The following INPP5A variants were observed in gnomAD, a reference collection of about 807,000 sequenced individuals.
The protein encoded by INPP5A is 43 kDa inositol polyphosphate 5-phophatase.
INPP5A carries 14 observed loss-of-function variants against 65.2 expected under a neutral mutation model. The observed-to-expected ratio is 0.21, with a 90% CI of 0.14 to 0.34. The LOEUF is 0.34. Among genes scored for constraint, INPP5A ranks in the 10% least tolerant of loss-of-function variants. INPP5A has a pLI of 1.00. For missense variants in INPP5A, 431 were observed against 545.6 expected, an observed-to-expected ratio of 0.79 and a Z score of 2.09; for synonymous variants, 207 against 208.3, an observed-to-expected ratio of 0.99 and a Z score of 0.05.
intron 12 of INPP5A, among the ~76,000 whole-genome samples, chr10:132,773,016 C>T (rs113239290): frequency 0.012 from 1,769 of 152,144 alleles, 39 homozygotes; most frequent in African/African-American, 0.039. Flanking sequence ...GTGGAGAGGA[C>T]GCCCTGGGAC....
Position 132,627,757 on chromosome 10 carries a change from CCGTGAAAAGCTTCAGA to C in INPP5A, c.118-18109_118-18094del, listed in dbSNP as rs915846908. 5.3e-5 allele frequency among the ~76,000 whole-genome samples: 8 copies of C among 152,100 alleles called. No homozygotes were observed. Among genetic ancestry groups the C allele is most frequent in the African/African-American group, 1.4e-4 (6 of 41,404 alleles). Reference sequence around the variant, plus strand: ...TAGATGCCACAGGGCCTCCTCTTCCCCGTGAAAAGCTTCAGACTTTCTTCATCCTCAGGGTAACGGC... The same window carrying C: ...TAGATGCCACAGGGCCTCCTCTTCCCCTTTCTTCATCCTCAGGGTAACGGC... On this transcript the variant is annotated intron_variant, in intron 2 of 15. Transcript: ENST00000368594. This position sits in a 1 kb window ranked among gnomAD's most constrained non-coding sequence, Gnocchi z 6.6.
intron 11 of INPP5A, among the ~76,000 whole-genome samples, chr10:132,759,423 G>A (rs995472223): frequency 1.3e-5 from 2 of 152,230 alleles, no homozygotes; most frequent in Non-Finnish European, 1.5e-5. Context: ...AACTTGCAAA[G>A]GGTGCACAGG....
chr10:132,716,042 C>A (rs1393913718), intron 8 of INPP5A, among the ~76,000 whole-genome samples: 2 of 152,254 alleles, frequency 1.3e-5, no homozygotes, highest in Non-Finnish European at 2.9e-5. Context: ...GCTCCTTTCG[C>A]CTGTGCCTCA....
At chr10:132,592,905 C>T (rs1457980495) in intron 1 of INPP5A, among the ~76,000 whole-genome samples, 1 of 151,752 alleles carries the variant, frequency 6.6e-6, no homozygotes, top group South Asian at 2.1e-4. Flanking sequence ...TCAGGTCTCA[C>T]GCGGCTGCAG....
intron 4 of INPP5A, among the ~76,000 whole-genome samples, chr10:132,653,288 C>T (rs983440152): frequency 1.3e-5 from 2 of 152,116 alleles, no homozygotes; most frequent in African/African-American, 4.8e-5. Flanking sequence ...GCTGCCTCCA[C>T]ACCTGGCTAC....
chr10:132,620,425 G>A (rs1406131958), intron 2 of INPP5A, among the ~76,000 whole-genome samples: 2 of 152,170 alleles, frequency 1.3e-5, no homozygotes, highest in Non-Finnish European at 2.9e-5. Context: ...CCACATCTGA[G>A]TGTAGGCTGT....
chr10:132,604,593 C>T, intron 1 of INPP5A, among the ~76,000 whole-genome samples: 1 of 152,326 alleles, frequency 6.6e-6, no homozygotes, highest in African/African-American at 2.4e-5. Context: ...GTTTTCTTGT[C>T]ATATCAATTC....
At position 132,555,637 on chromosome 10, in the gene INPP5A, G is replaced by T. The variant is rs2071116555; in HGVS notation, c.75+17466G>T. Among the ~76,000 whole-genome samples, 4 of 152,196 alleles carry T rather than the reference G, an allele frequency of 2.6e-5. No individual in the cohort carries two copies. The South Asian group carries it at 8.3e-4, about 31-fold the overall frequency. ...CACTTGGGGCTTCTATCCTATCAGG[G>T]AGAGAGTTCAAGTGTATCCTAGCGT... On this transcript the variant is annotated intron_variant, in intron 1 of 15. Coordinates refer to ENST00000368594, the MANE Select transcript of INPP5A (RefSeq NM_005539.5). The surrounding 1 kb of genome is among the most constrained non-coding windows in gnomAD (Gnocchi z 4.4).
chr10:132,687,188 G>A (rs143812462), intron 4 of INPP5A, among the ~76,000 whole-genome samples: 68 of 152,286 alleles, frequency 4.5e-4, no homozygotes, highest in African/African-American at 1.5e-3. Flanking sequence ...CGAGTGATCC[G>A]CTGCCTCGCC....
At chr10:132,560,502 A>G (rs1442920835) in intron 1 of INPP5A, among the ~76,000 whole-genome samples, 1 of 151,976 alleles carries the variant, frequency 6.6e-6, no homozygotes, top group Non-Finnish European at 1.5e-5. Context: ...TTTGAATTGC[A>G]TTTCCCTGAT....
rs1373224565 is a variant in INPP5A, at chr10:132,717,694, G to A, written c.647+7238G>A. 2.0e-5 allele frequency among the ~76,000 whole-genome samples: 3 copies of A among 150,314 alleles called. 1 individual carries two copies. The highest frequency in any genetic ancestry group is 5.0e-5 in the African/African-American group (2 of 39,968). ...TGGGCGCCTTAGACGGCTGTCTTGC[G>A]GGTTCTGTGGTGCCTGGGTTCTGTC... On this transcript the variant is annotated intron_variant, in intron 8 of 15. Transcript: ENST00000368594.
At chr10:132,557,150 GAGA>G (rs1484883644) in intron 1 of INPP5A, among the ~76,000 whole-genome samples, 2 of 152,262 alleles carry the variant, frequency 1.3e-5, no homozygotes, top group Non-Finnish European at 2.9e-5. Flanking sequence ...GCTTTCTGGG[GAGA>G]AGGTTTTCCC....
chr10:132,611,826 T>G (rs1384039941), intron 2 of INPP5A, among the ~76,000 whole-genome samples: 3 of 115,838 alleles, frequency 2.6e-5, no homozygotes, highest in Non-Finnish European at 3.6e-5. Flanking sequence ...GTGCGGGAGG[T>G]GAGGAGGGCA....
chr10:132,625,010 G>A (rs1257256108), intron 2 of INPP5A, among the ~76,000 whole-genome samples: 1 of 151,772 alleles, frequency 6.6e-6, no homozygotes, highest in Non-Finnish European at 1.5e-5. Context: ...CCCTGCCCAC[G>A]CCACAGTCCA....
At chr10:132,559,878 G>A (rs2071179345) in intron 1 of INPP5A, among the ~76,000 whole-genome samples, 1 of 152,250 alleles carries the variant, frequency 6.6e-6, no homozygotes, top group South Asian at 2.1e-4. Context: ...CACATTTCAT[G>A]TATCTGTTCA....
chr10:132,537,909 G>T lies in INPP5A; in HGVS notation c.-188G>T. The T allele has an allele frequency of 1.3e-5, 3 of 238,648 alleles. No homozygotes were observed. The South Asian group carries it at 4.8e-4, about 38-fold the overall frequency. The allele number at this position is 238,648 out of a possible 1,614,324, so 14.8% of individuals were successfully genotyped here. A position where few individuals can be genotyped will look rare whatever the true frequency, so the allele number is the denominator to read the frequency against. ...GGCGCGGGGCCGCGGAGCAGCGAGC[G>T]AGCGAGCGAGCGCGAGGCCGGAGCC... On this transcript the variant is annotated 5_prime_UTR_variant, in exon 1 of 16. Transcript: ENST00000368594.
In INPP5A at chr10:132,780,885, A is replaced by T; in HGVS notation, c.1126A>T (p.Ile376Phe). ...SEEKVVTYDH[I>F]GPNVCMGDHK... ...GGAGAAGGTTGTCACCTATGACCACATTGGGCCCAACGTCTGCATGGGAGA... is the reference window on the plus strand; with the variant it reads ...GGAGAAGGTTGTCACCTATGACCACTTTGGGCCCAACGTCTGCATGGGAGA... Residue 376 changes from isoleucine (I) to phenylalanine (F), a missense_variant, in exon 14 of 16, where the codon ATT (isoleucine) becomes TTT (phenylalanine). Coordinates refer to ENST00000368594, the MANE Select transcript of INPP5A (RefSeq NM_005539.5). The T allele has an allele frequency of 1.3e-6, 2 of 1,547,062 alleles. No individual in the cohort carries two copies. The highest frequency in any genetic ancestry group is 1.8e-6 in the Non-Finnish European group (2 of 1,138,310).
chr10:132,596,990 CGTGT>C (rs1188383675), intron 1 of INPP5A, among the ~76,000 whole-genome samples: 1 of 135,454 alleles, frequency 7.4e-6, no homozygotes, highest in African/African-American at 3.0e-5. Context: ...TGTGCATGCA[CGTGT>C]GTTTGTGTGC....
At chr10:132,717,791 C>T (rs559241596) in intron 8 of INPP5A, among the ~76,000 whole-genome samples, 1 of 146,596 alleles carries the variant, frequency 6.8e-6, no homozygotes, top group Non-Finnish European at 1.5e-5. Context: ...AGACGACTGT[C>T]TTCAGGGTTC....
Sources: gnomAD v4.1 joint callset for allele counts (sites outside exome capture counted in the v4.1 genomes callset) on GRCh38, gnomAD v4.1.1 for gene constraint, Gnocchi (gnomAD v3.1) non-coding constraint, MANE v1.5 for transcripts, NCBI Gene and HGNC (gene_info 2026-07-23, HGNC 2026-07-21) for gene names.